Variants in COL4A2 observed in about 807,000 individuals in gnomAD.
COL4A2 encodes the protein collagen alpha-2(IV) chain.
Under a neutral mutation model 200.2 loss-of-function variants are expected in COL4A2, and 99 were observed. That is an observed-to-expected ratio of 0.49 (90% CI 0.42 to 0.58). The LOEUF (loss-of-function observed/expected upper bound fraction) is 0.58. COL4A2 is among the 20% of genes least tolerant of loss of function. COL4A2 has a pLI of 0.00. For synonymous variants in COL4A2, 897 were observed against 900.6 expected, an observed-to-expected ratio of 1.00 and a Z score of 0.07; for missense variants, 1,950 against 2,314.1, an observed-to-expected ratio of 0.84 and a Z score of 3.23.
At chr13:110,361,480 C>G (rs1398472099) in intron 4 of COL4A2, among the ~76,000 whole-genome samples, 1 of 152,206 alleles carries the variant, frequency 6.6e-6, no homozygotes, top group Non-Finnish European at 1.5e-5. Flanking sequence ...CACACCCCAG[C>G]ACTTGGCTAG....
At chr13:110,493,066 GAGTGACACCCCCATGGGTGAAATAACGAT>G in intron 38 of COL4A2, 116 bp from the exon 39 acceptor site, 1 of 861,070 alleles carries the variant, frequency 1.2e-6, no homozygotes, top group Non-Finnish European at 1.8e-6. Context: ...AAATAACGAT[GAGTGACACCCCCATGGGTGAAATAACGAT>G]GAGTGACACC....
chr13:110,353,356 C>T (rs1043115893), intron 3 of COL4A2, among the ~76,000 whole-genome samples: 4 of 152,122 alleles, frequency 2.6e-5, no homozygotes, highest in Admixed American at 6.5e-5. Flanking sequence ...AATAGGATCG[C>T]GGCTTGTCTT....
Position 110,458,760 on chromosome 13 carries a change from C to G in COL4A2, c.1433-11C>G. ...GCGGAACAAGGAGGCCCTCCTCTCC[C>G]TCCTCTGCAGGTGACGCTGGGGAAT... is the stretch of plus-strand genomic sequence containing the variant. On this transcript the variant is annotated splice_polypyrimidine_tract_variant and intron_variant, in intron 21 of 47. Transcript: ENST00000360467. 1 of 1,613,898 alleles carries G rather than the reference C, an allele frequency of 6.2e-7. No individual in the cohort carries two copies.
intron 4 of COL4A2, among the ~76,000 whole-genome samples, chr13:110,394,953 C>A (rs1879133477): frequency 6.6e-6 from 1 of 152,216 alleles, no homozygotes; most frequent in Non-Finnish European, 1.5e-5. Context: ...AGACACATGT[C>A]AAATTATCCA....
chr13:110,480,402 A>G lies in COL4A2; in HGVS notation c.2758+12A>G. On this transcript the variant is annotated intron_variant, in intron 31 of 47. Transcript: ENST00000360467. ...CCCCGGGCTAAAAGGTAATTGTGTGACTGTGACCAGGGATCCCTTGGCGGG... is the reference window on the plus strand; with the variant it reads ...CCCCGGGCTAAAAGGTAATTGTGTGGCTGTGACCAGGGATCCCTTGGCGGG... 6.2e-7 allele frequency: 1 copy of G among 1,604,510 alleles called. No homozygotes were observed. The highest frequency in any genetic ancestry group is 8.5e-7 in the Non-Finnish European group (1 of 1,175,164).
chr13:110,433,789 C>T (rs569883514), intron 11 of COL4A2, among the ~76,000 whole-genome samples: 98 of 152,328 alleles, frequency 6.4e-4, no homozygotes, highest in Middle Eastern at 3.4e-3. Context: ...TCAGCGTTGT[C>T]AGTCCTCCCA....
intron 4 of COL4A2, among the ~76,000 whole-genome samples, chr13:110,365,046 A>G (rs1877683678): frequency 6.6e-6 from 1 of 152,192 alleles, no homozygotes; most frequent in South Asian, 2.1e-4. Flanking sequence ...TTGAATGAAT[A>G]CATATTGTTT....
Position 110,307,722 on chromosome 13 carries a change from G to T in COL4A2, c.-44-138G>T, listed in dbSNP as rs1031437624. Reference sequence around the variant, plus strand: ...GAGGCTCTCCTTCTTTCCGGGTCGTGGGGGGGACGGCCCTCCGGTCACCCC... The same window carrying T: ...GAGGCTCTCCTTCTTTCCGGGTCGTTGGGGGGACGGCCCTCCGGTCACCCC... On this transcript the variant is annotated intron_variant, in intron 1 of 47. Coordinates refer to ENST00000360467, the MANE Select transcript of COL4A2 (RefSeq NM_001846.4). This position sits in a 1 kb window ranked among gnomAD's most constrained non-coding sequence, Gnocchi z 5.0. The T allele has an allele frequency of 6.3e-5, 48 of 764,278 alleles. No homozygotes were observed. The highest frequency in any genetic ancestry group is 8.4e-5 in the East Asian group (3 of 35,840). 47.3% of individuals were successfully genotyped at this position (764,278 alleles called of 1,614,324 possible). A position where few individuals can be genotyped will look rare whatever the true frequency, so the allele number is the denominator to read the frequency against.
At chr13:110,437,155 G>A (rs535233566) in intron 13 of COL4A2, among the ~76,000 whole-genome samples, 19 of 152,364 alleles carry the variant, frequency 1.2e-4, no homozygotes, top group African/African-American at 4.3e-4. Context: ...CCTGGGTCCT[G>A]CATCCTGGGG....
chr13:110,414,975 A>T (rs569657477), intron 4 of COL4A2, among the ~76,000 whole-genome samples: 1 of 152,284 alleles, frequency 6.6e-6, no homozygotes, highest in African/African-American at 2.4e-5. Flanking sequence ...TAGCAGCAGC[A>T]CTCTGGGGGA....
chr13:110,425,600 C>A (rs1438302728), intron 6 of COL4A2, among the ~76,000 whole-genome samples: 3 of 152,226 alleles, frequency 2.0e-5, no homozygotes, highest in Admixed American at 2.0e-4. Context: ...CCTGGCCAGA[C>A]CTGACCTCAG....
At chr13:110,326,382 C>T (rs946984465) in intron 3 of COL4A2, among the ~76,000 whole-genome samples, 8 of 152,292 alleles carry the variant, frequency 5.3e-5, no homozygotes, top group Non-Finnish European at 7.4e-5. Flanking sequence ...TCTCTATCCT[C>T]GTGCACCTAA....
chr13:110,362,199 A>G (rs936917238), intron 4 of COL4A2, among the ~76,000 whole-genome samples: 1 of 152,248 alleles, frequency 6.6e-6, no homozygotes, highest in African/African-American at 2.4e-5. Flanking sequence ...GGATTAAAAA[A>G]TAACTTTAAC....
At chr13:110,448,649 A>T (rs1049702816) in intron 18 of COL4A2, among the ~76,000 whole-genome samples, 1 of 152,244 alleles carries the variant, frequency 6.6e-6, no homozygotes, top group African/African-American at 2.4e-5. Context: ...TAGAAATAAA[A>T]GTAATCTTGC....
At chr13:110,494,101 A>G (rs370542108) in intron 39 of COL4A2, among the ~76,000 whole-genome samples, 16 of 152,356 alleles carry the variant, frequency 1.1e-4, no homozygotes, top group African/African-American at 3.4e-4. Context: ...CAACTTTCAT[A>G]GCACTTTCTG....
Position 110,482,622 on chromosome 13 carries a change from C to A in COL4A2, c.2865C>A (p.Pro955=), listed in dbSNP as rs746902322. ...SKGEAGFFGI[P]GLKGLAGEPG... is the part of the protein sequence containing the mutation. Reference sequence around the variant, plus strand: ...GCGAGGCTGGATTTTTCGGAATACCCGGTCTGAAGGGTCTGGCTGGTGAGC... The same window carrying A: ...GCGAGGCTGGATTTTTCGGAATACCAGGTCTGAAGGGTCTGGCTGGTGAGC... Residue 955 remains proline, a synonymous_variant, in exon 32 of 48, where the codon CCC becomes CCA. Coordinates refer to ENST00000360467, the MANE Select transcript of COL4A2 (RefSeq NM_001846.4). 1.2e-6 allele frequency: 2 copies of A among 1,614,048 alleles called. No homozygotes were observed. Among genetic ancestry groups the A allele is most frequent in the Non-Finnish European group, 1.7e-6 (2 of 1,180,018 alleles).
chr13:110,428,421 T>C (rs779113693), intron 6 of COL4A2, 46 bp from the exon 7 acceptor site: 1 of 1,151,758 alleles, frequency 8.7e-7, no homozygotes, highest in Non-Finnish European at 1.3e-6. Flanking sequence ...ACATGACAAC[T>C]AGAAGCCTGC....
At chr13:110,316,460 C>G (rs1207330582) in intron 3 of COL4A2, among the ~76,000 whole-genome samples, 1 of 152,190 alleles carries the variant, frequency 6.6e-6, no homozygotes, top group Non-Finnish European at 1.5e-5. Context: ...GCCACCAGCC[C>G]GGCCCTCCTT....
intron 18 of COL4A2, among the ~76,000 whole-genome samples, chr13:110,448,361 G>A (rs144946643): frequency 2.6e-5 from 4 of 152,238 alleles, no homozygotes; most frequent in African/African-American, 7.2e-5. Context: ...CTGCAAAGGC[G>A]GGTGCTTTCA....
Sources: gnomAD v4.1 joint callset for allele counts (sites outside exome capture counted in the v4.1 genomes callset) on GRCh38, gnomAD v4.1.1 for gene constraint, Gnocchi (gnomAD v3.1) non-coding constraint, MANE v1.5 for transcripts, NCBI Gene and HGNC (gene_info 2026-07-23, HGNC 2026-07-21) for gene names.